Variants in PKD1L3 observed in about 807,000 individuals in gnomAD.
The protein encoded by PKD1L3 is polycystin 1 like 3, transient receptor potential channel interacting.
A neutral mutation model predicts 184.1 loss-of-function variants in PKD1L3; 239 were observed. That is an observed-to-expected ratio of 1.30 (90% CI 1.17 to 1.45). The LOEUF (loss-of-function observed/expected upper bound fraction) is 1.45, where lower values mean the gene tolerates loss of function less well. PKD1L3 is among the 40% of genes most tolerant of loss of function. The pLI is 0.00. For synonymous variants in PKD1L3, 996 were observed against 778.8 expected, an observed-to-expected ratio of 1.28 and a Z score of -4.64; for missense variants, 2,660 against 2,067.2, an observed-to-expected ratio of 1.29 and a Z score of -5.56.
chr16:71,939,692 G>C (rs1458991284), intron 24 of PKD1L3, among the ~76,000 whole-genome samples: 1 of 152,138 alleles, frequency 6.6e-6, no homozygotes, highest in Non-Finnish European at 1.5e-5. Context: ...TCTGAGAGAA[G>C]AATTCTTGAT....
intron 2 of PKD1L3, among the ~76,000 whole-genome samples, chr16:71,997,623 C>T (rs1480105906): frequency 6.6e-6 from 1 of 152,132 alleles, no homozygotes; most frequent in Non-Finnish European, 1.5e-5. Flanking sequence ...TGGCACATGC[C>T]TGTAATCCCA....
In PKD1L3 at chr16:71,942,594, GC is replaced by G; in HGVS notation, c.4289del (p.Ser1430ThrfsTer11). The G allele has an allele frequency of 6.4e-7, 1 of 1,551,540 alleles. No homozygotes were observed. Among genetic ancestry groups the G allele is most frequent in the Non-Finnish European group, 8.7e-7 (1 of 1,146,962 alleles). On this transcript the variant is annotated frameshift_variant, in exon 24 of 30. Coordinates refer to ENST00000620267, the MANE Select transcript of PKD1L3 (RefSeq NM_181536.2). LOFTEE classifies it high-confidence loss of function. ...TGTAACTGAATCCATTCTCATTCTTGCTTGTCAGCCTTTCGTGAAGCTCATC... is the reference window on the plus strand; with the variant it reads ...TGTAACTGAATCCATTCTCATTCTTGTTGTCAGCCTTTCGTGAAGCTCATC... ...PTDELHERLT[S>X]KNENGFSYIM... is the part of the protein sequence containing the mutation.
At chr16:71,955,955 T>TA (rs1285947198) in intron 16 of PKD1L3, among the ~76,000 whole-genome samples, 2 of 152,122 alleles carry the variant, frequency 1.3e-5, no homozygotes, top group African/African-American at 4.8e-5. Flanking sequence ...GTCTTTCCTT[T>TA]ACAAATTACC....
chr16:71,976,145 A>G (rs2039910594), intron 11 of PKD1L3, among the ~76,000 whole-genome samples: 1 of 150,750 alleles, frequency 6.6e-6, no homozygotes, highest in Admixed American at 6.6e-5. Flanking sequence ...ATGGGGTTTC[A>G]CCGTGTGGGC....
At chr16:71,934,424 C>A (rs1859792183) in intron 26 of PKD1L3, among the ~76,000 whole-genome samples, 1 of 152,184 alleles carries the variant, frequency 6.6e-6, no homozygotes, top group South Asian at 2.1e-4. Context: ...GGAAGCAAAA[C>A]CAGCCTCCTG....
At chr16:71,952,205 T>C (rs1443624372) in intron 18 of PKD1L3, among the ~76,000 whole-genome samples, 2 of 128,120 alleles carry the variant, frequency 1.6e-5, no homozygotes, top group Non-Finnish European at 3.3e-5. Context: ...ATTTTTTTTT[T>C]TTTTTTTTTT....
intron 24 of PKD1L3, among the ~76,000 whole-genome samples, chr16:71,941,052 G>A (rs2038342504): frequency 6.7e-6 from 1 of 150,328 alleles, no homozygotes. Context: ...TGCCCAGGCT[G>A]GTCTCGAACT....
At chr16:71,961,424 C>A (rs1339925998) in intron 16 of PKD1L3, among the ~76,000 whole-genome samples, 3 of 152,080 alleles carry the variant, frequency 2.0e-5, no homozygotes, top group Non-Finnish European at 4.4e-5. Flanking sequence ...TACCTTGGCC[C>A]TTCTCCTTGA....
intron 5 of PKD1L3, 136 bp downstream of exon 5, chr16:71,986,080 TGTTTA>T (rs772001949): frequency 2.8e-6 from 3 of 1,089,206 alleles, no homozygotes; most frequent in African/African-American, 3.2e-5. Flanking sequence ...TCCATGGACT[TGTTTA>T]GTTTTTGTTT....
chr16:71,956,951 C>T (rs1466919944), intron 16 of PKD1L3, among the ~76,000 whole-genome samples: 1 of 152,084 alleles, frequency 6.6e-6, no homozygotes, highest in Non-Finnish European at 1.5e-5. Context: ...ACACACAATG[C>T]ATGAAGATGT....
Position 71,963,197 on chromosome 16 carries a change from A to G in PKD1L3, c.2612+8T>C. On this transcript the variant is annotated splice_region_variant and intron_variant, in intron 16 of 29. Transcript: ENST00000620267. ...TATTCACTGTTAATAGTAATTTTCC[A>G]ACAGTACCTAAAGGAAAAGAGCTCT... 8 of 1,541,850 alleles carry G rather than the reference A, an allele frequency of 5.2e-6. No homozygotes were observed. The highest frequency in any genetic ancestry group is 7.0e-6 in the Non-Finnish European group (8 of 1,141,944).
chr16:71,997,566 T>C (rs1007422604), intron 2 of PKD1L3, among the ~76,000 whole-genome samples: 10 of 151,984 alleles, frequency 6.6e-5, no homozygotes, highest in African/African-American at 2.4e-4. Flanking sequence ...CTGACCAACA[T>C]GGAGAAACCC....
intron 6 of PKD1L3, 42 bp from the exon 7 acceptor site, chr16:71,982,277 GCTT>G (rs1284925843): frequency 3.3e-5 from 23 of 690,290 alleles, no homozygotes; most frequent in South Asian, 3.0e-4. Flanking sequence ...TGAATTGTTT[GCTT>G]TTTTTTTTTT....
At chr16:71,990,085 C>CAAAA (rs34692174) in intron 4 of PKD1L3, among the ~76,000 whole-genome samples, 195 bp downstream of exon 4, 2 of 119,160 alleles carry the variant, frequency 1.7e-5, no homozygotes, top group Non-Finnish European at 1.8e-5. Context: ...TCTCTCCCAC[C>CAAAA]AAAAAAAAAA....
In PKD1L3 at chr16:71,937,400, CAAAG is replaced by C. The variant is rs1567490109; in HGVS notation, c.4340_4343del (p.Ser1447Ter). On this transcript the variant is annotated frameshift_variant, in exon 25 of 30. Coordinates refer to ENST00000620267, the MANE Select transcript of PKD1L3 (RefSeq NM_181536.2). LOFTEE classifies it high-confidence loss of function. ...GAAGGGAAGTGAAGCTTTCCAGTCT[CAAAG>C]AGGTGAAGAAAGCACCTGAGAATAA... The C allele has an allele frequency of 1.9e-6, 3 of 1,551,496 alleles. No individual in the cohort carries two copies. The highest frequency in any genetic ancestry group is 1.2e-5 in the South Asian group (1 of 84,024).
intron 22 of PKD1L3, among the ~76,000 whole-genome samples, chr16:71,945,307 C>T (rs12599195): frequency 0.27 from 9,668 of 35,758 alleles, 581 homozygotes; most frequent in African/African-American, 0.3. Flanking sequence ...TATATATATA[C>T]ACACACACAC....
chr16:71,930,088 A>G lies in PKD1L3; in HGVS notation c.5022T>C (p.Ile1674=), dbSNP rs1418710064. The G allele has an allele frequency of 3.9e-6, 6 of 1,551,516 alleles. No homozygotes were observed. The East Asian group carries it at 1.5e-4, about 38-fold the overall frequency. The change falls in exon 29 of 30, where the codon ATT becomes ATC. Residue 1674 remains isoleucine (I), a synonymous_variant. Transcript: ENST00000620267. Reference sequence around the variant, plus strand: ...TTCTTTCTTTTCCAAAGGCCATGAGAATGGCCGAAACGAAAAGATTAATTA... The same window carrying G: ...TTCTTTCTTTTCCAAAGGCCATGAGGATGGCCGAAACGAAAAGATTAATTA... ...LVVINLFVSA[I]LMAFGKERKS... is the part of the protein sequence containing the mutation.
intron 7 of PKD1L3, among the ~76,000 whole-genome samples, chr16:71,980,494 T>G (rs1440380949): frequency 6.6e-6 from 1 of 152,186 alleles, no homozygotes; most frequent in Non-Finnish European, 1.5e-5. Context: ...TTCACAGGAT[T>G]GTGCAACCAT....
intron 26 of PKD1L3, 45 bp from the exon 27 acceptor site, chr16:71,934,170 C>A (rs2038093139): frequency 6.5e-7 from 1 of 1,532,746 alleles, no homozygotes; most frequent in African/African-American, 1.4e-5. Context: ...AAGTATGTGC[C>A]TATACTGCAG....
Sources: gnomAD v4.1 joint callset for allele counts (sites outside exome capture counted in the v4.1 genomes callset) on GRCh38, gnomAD v4.1.1 for gene constraint, MANE v1.5 for transcripts, NCBI Gene and HGNC (gene_info 2026-07-23, HGNC 2026-07-21) for gene names.